The following EXT1 variants were observed in gnomAD, a reference collection of about 807,000 sequenced individuals.
EXT1 encodes the protein exostosin glycosyltransferase 1.
EXT1 carries 20 observed loss-of-function variants against 82.5 expected under a neutral mutation model. The observed-to-expected ratio is 0.24, with a 90% CI of 0.17 to 0.35. EXT1 has a LOEUF of 0.35. Ranked by LOEUF, EXT1 falls within the 10% of genes least tolerant of loss-of-function variation. EXT1 has a pLI of 1.00. For missense variants in EXT1, 757 were observed against 936.5 expected (o/e 0.81, Z 2.50); for synonymous variants, 348 against 350.8 (o/e 0.99, Z 0.09).
chr8:117,903,851 A>T (rs1384066394), intron 1 of EXT1, among the ~76,000 whole-genome samples: 3 of 152,256 alleles, frequency 2.0e-5, no homozygotes, highest in Non-Finnish European at 1.5e-5. Context: ...CAGCCAAAAA[A>T]TCCGAACTAT....
rs1266117195 is a variant in EXT1, at chr8:118,110,255, C to T, written c.792G>A (p.Leu264=). 4 of 1,614,154 alleles carry T rather than the reference C, an allele frequency of 2.5e-6. No homozygotes were observed. The highest frequency in any genetic ancestry group is 3.4e-6 in the Non-Finnish European group (4 of 1,180,032). Residue 264 remains leucine, a synonymous_variant, in exon 1 of 11, where the codon CTG becomes CTA. Coordinates refer to ENST00000378204, the MANE Select transcript of EXT1 (RefSeq NM_000127.3). The part of the protein sequence containing the change: ...NTIPPLRKYM[L]VFKGKRYLTG... ...TCAGGTACCTCTTCCCCTTGAATAC[C>T]AGCATGTACTTCCTGAGAGGAGGGA...
intron 1 of EXT1, among the ~76,000 whole-genome samples, chr8:118,075,958 T>C (rs562448831): frequency 4.0e-4 from 61 of 152,044 alleles, no homozygotes; most frequent in Non-Finnish European, 6.9e-4. Context: ...CAACATGAGA[T>C]TTAAGGGGGA....
At chr8:118,041,682 G>GAAGGAAGA (rs1184875560) in intron 1 of EXT1, among the ~76,000 whole-genome samples, 22 of 147,370 alleles carry the variant, frequency 1.5e-4, no homozygotes, top group South Asian at 4.3e-4. Context: ...AGGAAGGAAG[G>GAAGGAAGA]AAGGAAGGAA....
At chr8:117,883,599 T>C (rs1813098128) in intron 1 of EXT1, among the ~76,000 whole-genome samples, 1 of 152,248 alleles carries the variant, frequency 6.6e-6, no homozygotes, top group Non-Finnish European at 1.5e-5. Flanking sequence ...CTCTTTTCTT[T>C]CTGGCTTTCT....
chr8:118,052,913 T>G (rs1157247086), intron 1 of EXT1, among the ~76,000 whole-genome samples: 1 of 152,186 alleles, frequency 6.6e-6, no homozygotes. Context: ...GTGAAGAATT[T>G]AGGAGACAAT....
chr8:117,878,941 G>GAGC (rs1170294092), intron 1 of EXT1, among the ~76,000 whole-genome samples: 1 of 152,202 alleles, frequency 6.6e-6, no homozygotes, highest in African/African-American at 2.4e-5. Context: ...CCACGCTGTA[G>GAGC]AGCACCTGGC....
rs902892343 is a variant in EXT1, at chr8:118,107,285, C to CT, written c.962+2799dup. Among the ~76,000 whole-genome samples, 8 of 151,482 alleles carry CT rather than the reference C, an allele frequency of 5.3e-5. No homozygotes were observed. The South Asian group carries it at 6.3e-4, about 12-fold the overall frequency. On this transcript the variant is annotated intron_variant, in intron 1 of 10. Transcript: ENST00000378204. Reference sequence around the variant, plus strand: ...CTTGAGGGAGCAAATTAAACTGAAGCTTTTTTTTTCCCATGGACACTTGCT... The same window carrying CT: ...CTTGAGGGAGCAAATTAAACTGAAGCTTTTTTTTTTCCCATGGACACTTGCT...
chr8:117,816,029 A>G (rs10104591), intron 7 of EXT1, among the ~76,000 whole-genome samples: 149,464 of 151,846 alleles, frequency 0.98, 73,642 homozygotes, highest in African/African-American at 1. Context: ...GTGGGGAGGG[A>G]GGTACATAAG....
At chr8:118,017,303 C>A (rs976303509) in intron 1 of EXT1, among the ~76,000 whole-genome samples, 4 of 152,128 alleles carry the variant, frequency 2.6e-5, no homozygotes, top group Non-Finnish European at 4.4e-5. Context: ...TAATAGAACA[C>A]TATTTCTTAT....
chr8:117,809,564 G>A (rs1298293572), intron 8 of EXT1, among the ~76,000 whole-genome samples: 2 of 151,666 alleles, frequency 1.3e-5, no homozygotes, highest in Non-Finnish European at 2.9e-5. Flanking sequence ...TTGAACCCAG[G>A]AGGCGGAGGT....
intron 1 of EXT1, among the ~76,000 whole-genome samples, chr8:117,960,881 T>C (rs956890189): frequency 6.6e-6 from 1 of 152,096 alleles, no homozygotes; most frequent in Non-Finnish European, 1.5e-5. Context: ...GTTTTTCAAA[T>C]AATAGCGGGG....
intron 1 of EXT1, among the ~76,000 whole-genome samples, chr8:117,885,210 G>C (rs1269728883): frequency 6.6e-6 from 1 of 152,028 alleles, no homozygotes. Flanking sequence ...GAAAGTATTA[G>C]GTACTAAAGA....
chr8:117,927,479 A>C (rs1813975677), intron 1 of EXT1, among the ~76,000 whole-genome samples: 1 of 148,348 alleles, frequency 6.7e-6, no homozygotes, highest in East Asian at 2.0e-4. Context: ...GCATTTAACA[A>C]ACACATCATG....
chr8:117,858,643 G>A (rs1317440087), intron 1 of EXT1, among the ~76,000 whole-genome samples: 24 of 149,186 alleles, frequency 1.6e-4, no homozygotes, highest in East Asian at 2.0e-4. Context: ...GTGCCATTGC[G>A]CTCCAGCCTG....
chr8:117,932,730 G>C (rs927200771), intron 1 of EXT1, among the ~76,000 whole-genome samples: 3 of 152,174 alleles, frequency 2.0e-5, no homozygotes, highest in Admixed American at 6.5e-5. Context: ...GCTTTGCTTA[G>C]TGCTAGTTTC....
At chr8:117,855,709 C>T (rs1031669113) in intron 1 of EXT1, among the ~76,000 whole-genome samples, 6 of 152,238 alleles carry the variant, frequency 3.9e-5, no homozygotes, top group African/African-American at 1.4e-4. Context: ...CACACTGTCA[C>T]CCTGGCTGGA....
intron 1 of EXT1, among the ~76,000 whole-genome samples, chr8:117,914,304 G>A (rs1375783221): frequency 6.6e-6 from 1 of 152,042 alleles, no homozygotes; most frequent in South Asian, 2.1e-4. Flanking sequence ...TGTTATCTTC[G>A]TAAGCTGAGG....
intron 1 of EXT1, among the ~76,000 whole-genome samples, chr8:118,064,100 G>A (rs1265637827): frequency 6.6e-6 from 1 of 152,174 alleles, no homozygotes; most frequent in African/African-American, 2.4e-5. Context: ...CTGACCTTAG[G>A]TGATCCATCC....
chr8:117,802,042 C>A (rs1310844014), intron 10 of EXT1, among the ~76,000 whole-genome samples: 1 of 152,084 alleles, frequency 6.6e-6, no homozygotes, highest in African/African-American at 2.4e-5. Flanking sequence ...AAAGCCTAAT[C>A]CTAGAGGATG....
Sources: gnomAD v4.1 joint callset for allele counts (sites outside exome capture counted in the v4.1 genomes callset) on GRCh38, gnomAD v4.1.1 for gene constraint, MANE v1.5 for transcripts, NCBI Gene and HGNC (gene_info 2026-07-23, HGNC 2026-07-21) for gene names.